The following EEF2K variants were observed in gnomAD, a reference collection of about 807,000 sequenced individuals.
EEF2K encodes alternative protein EEF2K.
EEF2K carries 70 observed loss-of-function variants against 93.8 expected under a neutral mutation model. The ratio of observed to expected loss-of-function variants is 0.75; its 90% CI spans 0.62 to 0.91. EEF2K has a LOEUF of 0.91. Ranked by LOEUF, EEF2K falls within the 40% of genes least tolerant of loss-of-function variation. EEF2K has a pLI of 0.00. For synonymous variants in EEF2K, 376 were observed against 380.8 expected, an observed-to-expected ratio of 0.99 and a Z score of 0.15; for missense variants, 935 against 972.9, an observed-to-expected ratio of 0.96 and a Z score of 0.52.
intron 1 of EEF2K, among the ~76,000 whole-genome samples, chr16:22,215,587 C>T (rs762719094): frequency 1.3e-5 from 2 of 152,176 alleles, no homozygotes; most frequent in Non-Finnish European, 2.9e-5. Context: ...GAACTCTTAG[C>T]TTGATGCTTG....
intron 17 of EEF2K, among the ~76,000 whole-genome samples, chr16:22,280,941 C>T (rs760259241): frequency 1.3e-5 from 2 of 151,576 alleles, no homozygotes; most frequent in Admixed American, 1.3e-4. Context: ...GGATTACAGG[C>T]GTGAGCCACC....
chr16:22,261,975 A>T (rs569540164), intron 11 of EEF2K, among the ~76,000 whole-genome samples: 93 of 151,448 alleles, frequency 6.1e-4, no homozygotes, highest in Non-Finnish European at 1.1e-3. Flanking sequence ...ACTGCACTAC[A>T]GCCTGGGTGA....
rs1282251087 is a variant in EEF2K, at chr16:22,256,938, C to T, written c.768+41C>T. On this transcript the variant is annotated intron_variant, in intron 7 of 17. Transcript: ENST00000263026. ...CCTCCACCCTCTGCCCACCACAGCCCTTGGGGTGAGATCCTGGCCAGGCTC... is the reference window on the plus strand; with the variant it reads ...CCTCCACCCTCTGCCCACCACAGCCTTTGGGGTGAGATCCTGGCCAGGCTC... 3.7e-6 allele frequency: 6 copies of T among 1,609,236 alleles called. No homozygotes were observed. The African/African-American group carries it at 5.3e-5, about 14-fold the overall frequency.
At chr16:22,206,760 G>A (rs141086927) in intron 1 of EEF2K, 81 bp downstream of exon 1, 3 of 152,952 alleles carry the variant, frequency 2.0e-5, no homozygotes, top group Admixed American at 6.5e-5. Flanking sequence ...TGCAGCTGGC[G>A]TCTGGAGCGT....
chr16:22,266,326 TGA>T, intron 13 of EEF2K, 62 bp from the exon 14 acceptor site: 1 of 1,557,650 alleles, frequency 6.4e-7, no homozygotes, highest in Non-Finnish European at 8.7e-7. Context: ...TAGGGGCTGC[TGA>T]CAGCTGTGAT....
chr16:22,239,219 T>C (rs1043423805), intron 2 of EEF2K, among the ~76,000 whole-genome samples: 4 of 152,336 alleles, frequency 2.6e-5, no homozygotes, highest in African/African-American at 7.2e-5. Flanking sequence ...TCTGCAGTAC[T>C]TTCCTCCCTG....
intron 2 of EEF2K, among the ~76,000 whole-genome samples, chr16:22,239,262 A>G (rs367817236): frequency 6.6e-6 from 1 of 152,126 alleles, no homozygotes; most frequent in East Asian, 1.9e-4. Flanking sequence ...TCCAGCCAGG[A>G]GGTAATTTCT....
At chr16:22,273,510 C>G (rs1349390611) in intron 15 of EEF2K, 116 bp from the exon 16 acceptor site, 1 of 1,468,732 alleles carries the variant, frequency 6.8e-7, no homozygotes, top group Non-Finnish European at 9.2e-7. Context: ...ACTTCTATAG[C>G]CTCCCAACCC....
intron 2 of EEF2K, among the ~76,000 whole-genome samples, chr16:22,236,216 T>C (rs1455894336): frequency 6.6e-6 from 1 of 152,206 alleles, no homozygotes; most frequent in Non-Finnish European, 1.5e-5. Flanking sequence ...CTCTTTCCAT[T>C]CCAGAGCCTC....
chr16:22,249,859 G>A (rs573120370), intron 4 of EEF2K, among the ~76,000 whole-genome samples: 20 of 150,716 alleles, frequency 1.3e-4, no homozygotes, highest in East Asian at 3.9e-4. Context: ...TTGGCTCATC[G>A]CAACCTCTGC....
intron 1 of EEF2K, among the ~76,000 whole-genome samples, chr16:22,221,506 A>G (rs2047011430): frequency 6.6e-6 from 1 of 152,090 alleles, no homozygotes; most frequent in Non-Finnish European, 1.5e-5. Context: ...AGCGCATTAT[A>G]CAAAGTAAGG....
chr16:22,212,158 G>A (rs1159928957), intron 1 of EEF2K, among the ~76,000 whole-genome samples: 1 of 152,136 alleles, frequency 6.6e-6, no homozygotes, highest in Admixed American at 6.6e-5. Flanking sequence ...GCATTTTTCA[G>A]ATTCCTGAAA....
intron 15 of EEF2K, among the ~76,000 whole-genome samples, chr16:22,267,103 G>A (rs765999486): frequency 1.2e-4 from 18 of 152,166 alleles, no homozygotes; most frequent in Non-Finnish European, 2.2e-4. Context: ...GGTAAGTCAC[G>A]TTTCCAGGTA....
intron 2 of EEF2K, among the ~76,000 whole-genome samples, chr16:22,242,175 A>G (rs2047229831): frequency 6.6e-6 from 1 of 152,054 alleles, no homozygotes; most frequent in African/African-American, 2.4e-5. Context: ...ACCCAAAAAC[A>G]AAAGAAAGCC....
At chr16:22,219,898 C>T (rs548002633) in intron 1 of EEF2K, among the ~76,000 whole-genome samples, 23 of 152,238 alleles carry the variant, frequency 1.5e-4, no homozygotes, top group East Asian at 9.7e-4. Context: ...GCTTGAGCTC[C>T]GGCAATCACA....
At chr16:22,217,660 C>A (rs1285492826) in intron 1 of EEF2K, among the ~76,000 whole-genome samples, 3 of 152,232 alleles carry the variant, frequency 2.0e-5, no homozygotes, top group Admixed American at 2.0e-4. Flanking sequence ...ACCATGTTGG[C>A]CAGGCTGGTC....
intron 2 of EEF2K, among the ~76,000 whole-genome samples, chr16:22,238,718 A>G (rs2047193029): frequency 6.6e-6 from 1 of 151,342 alleles, no homozygotes; most frequent in South Asian, 2.1e-4. Flanking sequence ...GCTTACCTGG[A>G]CACACCTGGG....
At chr16:22,243,140 C>T (rs1317141964) in intron 2 of EEF2K, among the ~76,000 whole-genome samples, 2 of 151,600 alleles carry the variant, frequency 1.3e-5, no homozygotes, top group East Asian at 3.9e-4. Flanking sequence ...TTTATGTTAT[C>T]TATGAATTTC....
intron 3 of EEF2K, 28 bp downstream of exon 3, chr16:22,244,758 A>G (rs747666172): frequency 6.2e-6 from 10 of 1,611,028 alleles, no homozygotes; most frequent in Non-Finnish European, 7.6e-6. Context: ...GGTCTCGAGG[A>G]GTCCTGGGGG....
Sources: allele counts gnomAD v4.1 joint callset (sites outside exome capture counted in the v4.1 genomes callset), GRCh38; gene constraint gnomAD v4.1.1; transcripts MANE v1.5; gene names NCBI Gene and HGNC (gene_info 2026-07-23, HGNC 2026-07-21).